The following TPD52L1 variants were observed in gnomAD, a reference collection of about 807,000 sequenced individuals.
TPD52L1 encodes tumor protein D53.
Under a neutral mutation model 28.7 loss-of-function variants are expected in TPD52L1, and 18 were observed. That is an observed-to-expected ratio of 0.63 (90% CI 0.43 to 0.93). The LOEUF is 0.93. Ranked by LOEUF, TPD52L1 falls within the 40% of genes least tolerant of loss-of-function variation. The pLI, the probability that TPD52L1 is intolerant of heterozygous loss-of-function variation, is 0.00. For synonymous variants in TPD52L1, 75 were observed against 88.8 expected (o/e 0.84, Z 0.88); for missense variants, 203 against 254.8 (o/e 0.80, Z 1.39).
chr6:125,262,330 A>C (rs1174848764), intron 6 of TPD52L1: 2 of 153,162 alleles, frequency 1.3e-5, no homozygotes, highest in Non-Finnish European at 2.9e-5. Context: ...TTCAAAGCAG[A>C]AACCAGAAAT....
At chr6:125,259,539 G>A (rs1460574066) in intron 6 of TPD52L1, among the ~76,000 whole-genome samples, 1 of 152,198 alleles carries the variant, frequency 6.6e-6, no homozygotes, top group Non-Finnish European at 1.5e-5. Flanking sequence ...AAACAAACAA[G>A]TAAATGCAGA....
At chr6:125,214,461 T>C (rs1794722118) in intron 1 of TPD52L1, 1 of 984,410 alleles carries the variant, frequency 1.0e-6, no homozygotes, top group Non-Finnish European at 1.2e-6. Context: ...ACATACCTCC[T>C]CGGTAAGTCC....
At position 125,243,351 on chromosome 6, in the gene TPD52L1, C is replaced by T. The variant is rs542334057; in HGVS notation, c.285-4931C>T. Among the ~76,000 whole-genome samples, 5 of 152,258 alleles carry T rather than the reference C, an allele frequency of 3.3e-5. No homozygotes were observed. In the South Asian group the frequency reaches 1.0e-3, roughly 32 times the overall value. On this transcript the variant is annotated intron_variant, in intron 3 of 6. Coordinates refer to ENST00000534000, the MANE Select transcript of TPD52L1 (RefSeq NM_003287.4). Reference sequence around the variant, plus strand: ...GCTTCTTGTATTTCATTGTCTAGATCTCTGGCAAGGCCAGGGAAGTTTTCC... The same window carrying T: ...GCTTCTTGTATTTCATTGTCTAGATTTCTGGCAAGGCCAGGGAAGTTTTCC...
At chr6:125,254,568 C>A (rs1456673001) in intron 5 of TPD52L1, among the ~76,000 whole-genome samples, 1 of 152,114 alleles carries the variant, frequency 6.6e-6, no homozygotes, top group Non-Finnish European at 1.5e-5. Flanking sequence ...CCTTTGGGAT[C>A]TTCCCCCACT....
chr6:125,246,299 A>G (rs1040476724), intron 3 of TPD52L1, among the ~76,000 whole-genome samples: 1 of 152,100 alleles, frequency 6.6e-6, no homozygotes, highest in Non-Finnish European at 1.5e-5. Context: ...CTCGCACTCT[A>G]GGAACTCAGT....
chr6:125,231,458 T>C (rs143661542), intron 3 of TPD52L1, among the ~76,000 whole-genome samples: 7 of 152,318 alleles, frequency 4.6e-5, no homozygotes, highest in African/African-American at 1.7e-4. Context: ...GGGGATAATG[T>C]CTAATTTGTG....
chr6:125,238,952 T>A (rs1021614847), intron 3 of TPD52L1, among the ~76,000 whole-genome samples: 1 of 152,228 alleles, frequency 6.6e-6, no homozygotes, highest in African/African-American at 2.4e-5. Context: ...TGTGTAAGTG[T>A]CTTTTTCATA....
chr6:125,243,366 G>A (rs1796731276), intron 3 of TPD52L1, among the ~76,000 whole-genome samples: 1 of 152,034 alleles, frequency 6.6e-6, no homozygotes, highest in Non-Finnish European at 1.5e-5. Flanking sequence ...GCAAGGCCAG[G>A]GAAGTTTTCC....
At chr6:125,234,534 A>C (rs1796141040) in intron 3 of TPD52L1, 1 of 152,184 alleles carries the variant, frequency 6.6e-6, no homozygotes, top group African/African-American at 2.4e-5. Flanking sequence ...TTACTTAAGG[A>C]AAACATATTG....
intron 1 of TPD52L1, among the ~76,000 whole-genome samples, chr6:125,165,464 C>G (rs1210116320): frequency 6.6e-6 from 1 of 152,074 alleles, no homozygotes; most frequent in African/African-American, 2.4e-5. Flanking sequence ...AAGTGAAGTT[C>G]CCAGAATAAA....
chr6:125,182,736 CA>C (rs1469484435), intron 1 of TPD52L1, among the ~76,000 whole-genome samples: 1 of 152,192 alleles, frequency 6.6e-6, no homozygotes, highest in Admixed American at 6.5e-5. Flanking sequence ...TATTGCCATA[CA>C]GGATCGATTC....
At position 125,197,021 on chromosome 6, in the gene TPD52L1, G is replaced by T. The variant is rs529046222; in HGVS notation, c.20-23057G>T. The stretch of plus-strand genomic sequence containing the variant: ...ATCATGTCCTGAATCTCCCACTGGG[G>T]TTGTCAGAAAAGATTTTTCCCAAGC... On this transcript the variant is annotated intron_variant, in intron 1 of 6. Transcript: ENST00000534000. Among the ~76,000 whole-genome samples the T allele has an allele frequency of 6.0e-4, 92 of 152,330 alleles. 1 individual carries two copies. The highest frequency in any genetic ancestry group is 2.0e-3 in the African/African-American group (84 of 41,582).
At chr6:125,172,990 T>C (rs1174148524) in intron 1 of TPD52L1, among the ~76,000 whole-genome samples, 1 of 152,186 alleles carries the variant, frequency 6.6e-6, no homozygotes, top group Non-Finnish European at 1.5e-5. Flanking sequence ...AAAAATGTAC[T>C]TCATTCCCTG....
chr6:125,252,175 G>A, intron 4 of TPD52L1: 1 of 947,502 alleles, frequency 1.1e-6, no homozygotes, highest in Non-Finnish European at 1.6e-6. Context: ...CCGTGACCAG[G>A]AAGATAGTTT....
intron 1 of TPD52L1, among the ~76,000 whole-genome samples, chr6:125,184,276 G>A (rs1006015562): frequency 3.9e-5 from 6 of 152,144 alleles, no homozygotes; most frequent in African/African-American, 1.2e-4. Context: ...TCCTTTCATC[G>A]GCTCCATAAC....
chr6:125,154,425 G>T, intron 1 of TPD52L1: 5 of 988,964 alleles, frequency 5.1e-6, no homozygotes, highest in Non-Finnish European at 6.0e-6. Context: ...ATCGCCCGCC[G>T]AGGGGGTGGC....
intron 1 of TPD52L1, among the ~76,000 whole-genome samples, chr6:125,172,108 CTT>C (rs1207572685): frequency 1.4e-5 from 1 of 69,704 alleles, no homozygotes; most frequent in African/African-American, 5.1e-5. Context: ...CCCTTTCTTT[CTT>C]TCTTTCTTTC....
chr6:125,215,292 C>T (rs1196447254), intron 1 of TPD52L1, among the ~76,000 whole-genome samples: 4 of 152,122 alleles, frequency 2.6e-5, no homozygotes, highest in Non-Finnish European at 4.4e-5. Context: ...TTTAATCCAA[C>T]TCCTCTTTTT....
chr6:125,257,225 T>G, intron 6 of TPD52L1, 67 bp downstream of exon 6: 1 of 1,448,578 alleles, frequency 6.9e-7, no homozygotes, highest in Non-Finnish European at 9.6e-7. Context: ...ATTGCTGCGG[T>G]TAGTTTAAAG....
Sources: gnomAD v4.1 joint callset for allele counts (sites outside exome capture counted in the v4.1 genomes callset) on GRCh38, gnomAD v4.1.1 for gene constraint, MANE v1.5 for transcripts, NCBI Gene and HGNC (gene_info 2026-07-23, HGNC 2026-07-21) for gene names.